The following GPALPP1 variants were observed in gnomAD, a reference collection of about 807,000 sequenced individuals.
The protein encoded by GPALPP1 is GPALPP motifs containing 1.
Under a neutral mutation model 38.9 loss-of-function variants are expected in GPALPP1, and 30 were observed. That is an observed-to-expected ratio of 0.77 (90% confidence interval 0.58 to 1.05). GPALPP1 has a LOEUF of 1.05. Ranked by LOEUF, GPALPP1 falls within the 50% of genes least tolerant of loss-of-function variation. The pLI is 0.00. For missense variants in GPALPP1, 384 were observed against 408.8 expected (o/e 0.94, Z 0.52); for synonymous variants, 120 against 139.2 (o/e 0.86, Z 0.97).
In GPALPP1 at chr13:45,028,944, G is replaced by A. The variant is rs1396058696; in HGVS notation, c.*941G>A. 2 of 152,134 alleles carry A rather than the reference G, an allele frequency of 1.3e-5. No individual in the cohort carries two copies. The highest frequency in any genetic ancestry group is 2.9e-5 in the Non-Finnish European group (2 of 68,108). 9.4% of individuals were successfully genotyped at this position (152,134 alleles called of 1,614,324 possible). A position where few individuals can be genotyped will look rare whatever the true frequency, so the allele number is the denominator to read the frequency against. On this transcript the variant is annotated 3_prime_UTR_variant, in exon 8 of 8. Transcript: ENST00000379151. ...GTGGTGGCACGTGCCTGTAATCTCA[G>A]CTACTTGGGAGCCTGAGGCAGGAGA...
intron 4 of GPALPP1, among the ~76,000 whole-genome samples, chr13:45,013,479 A>C (rs1417261877): frequency 1.3e-5 from 2 of 152,240 alleles, no homozygotes; most frequent in Non-Finnish European, 2.9e-5. Context: ...TAAACCAGTC[A>C]GCTGAGCAAG....
chr13:45,017,182 A>G (rs538749748), intron 6 of GPALPP1, among the ~76,000 whole-genome samples: 1 of 152,348 alleles, frequency 6.6e-6, no homozygotes, highest in African/African-American at 2.4e-5. Context: ...AAGAGTCAAG[A>G]GCTCCTTAAG....
chr13:45,008,922 A>G, intron 4 of GPALPP1, 43 bp downstream of exon 4: 1 of 1,126,660 alleles, frequency 8.9e-7, no homozygotes, highest in Non-Finnish European at 1.4e-6. Flanking sequence ...GAAAGTTTTC[A>G]TTGAAAGAAT....
At chr13:45,033,266 T>C (rs1005009324), downstream of GPALPP1, 5 of 152,184 alleles carry the variant, frequency 3.3e-5, no homozygotes, top group African/African-American at 1.2e-4. Context: ...AAGTTATTTC[T>C]TGAGTTACAC....
intron 1 of GPALPP1, among the ~76,000 whole-genome samples, chr13:44,998,716 A>G (rs1302906518): frequency 6.6e-6 from 1 of 152,230 alleles, no homozygotes; most frequent in Non-Finnish European, 1.5e-5. Flanking sequence ...TGCCTGTAAA[A>G]GATGGGTTGG....
downstream of GPALPP1, chr13:45,030,614 C>G (rs1441568803): frequency 6.6e-6 from 1 of 152,012 alleles, no homozygotes; most frequent in African/African-American, 2.4e-5. Context: ...GAACTCCAGA[C>G]CTCAGGTGAT....
chr13:45,019,065 A>C (rs1268019083), intron 6 of GPALPP1, among the ~76,000 whole-genome samples: 1 of 37,076 alleles, frequency 2.7e-5, no homozygotes, highest in Non-Finnish European at 1.1e-4. Context: ...ATATATACAT[A>C]TAAATATATA....
At chr13:45,008,359 A>G (rs1477662191) in intron 3 of GPALPP1, among the ~76,000 whole-genome samples, 1 of 152,198 alleles carries the variant, frequency 6.6e-6, no homozygotes, top group Non-Finnish European at 1.5e-5. Flanking sequence ...CTACTTTGGT[A>G]GTTCTGACCA....
intron 6 of GPALPP1, among the ~76,000 whole-genome samples, chr13:45,016,360 A>G (rs1199012695): frequency 2.0e-5 from 3 of 152,152 alleles, no homozygotes; most frequent in African/African-American, 7.2e-5. Flanking sequence ...AAGCTGAGGC[A>G]GGAGAATCAC....
chr13:45,004,498 G>A, intron 2 of GPALPP1, 61 bp downstream of exon 2: 1 of 1,162,464 alleles, frequency 8.6e-7, no homozygotes, highest in Non-Finnish European at 1.3e-6. Flanking sequence ...AAGTTGGCTG[G>A]AACAGATAGC....
chr13:45,026,580 G>C (rs7335692), intron 7 of GPALPP1, among the ~76,000 whole-genome samples: 7,524 of 152,110 alleles, frequency 0.049, 277 homozygotes, highest in East Asian at 0.12. Context: ...TTTCACTGAG[G>C]TTTCTTCACT....
chr13:45,012,510 TA>T (rs1218632611), intron 4 of GPALPP1, among the ~76,000 whole-genome samples: 2 of 152,148 alleles, frequency 1.3e-5, no homozygotes, highest in South Asian at 4.1e-4. Flanking sequence ...TTTTTCAAAA[TA>T]AAAAATTGGG....
chr13:45,031,510 T>A (rs1016042066), downstream of GPALPP1: 1 of 152,222 alleles, frequency 6.6e-6, no homozygotes, highest in African/African-American at 2.4e-5. Context: ...CTGTATTATA[T>A]ATTTACTGTT....
At chr13:45,013,304 A>G (rs1370844656) in intron 4 of GPALPP1, among the ~76,000 whole-genome samples, 1 of 152,112 alleles carries the variant, frequency 6.6e-6, no homozygotes. Flanking sequence ...TCATCATACC[A>G]AGAAGCCTGC....
At chr13:45,006,853 C>G (rs892496124) in intron 3 of GPALPP1, among the ~76,000 whole-genome samples, 1 of 151,884 alleles carries the variant, frequency 6.6e-6, no homozygotes, top group Non-Finnish European at 1.5e-5. Context: ...TTATATGGAG[C>G]CTGGCACAGA....
chr13:44,989,582 C>T lies in GPALPP1; in HGVS notation c.-73C>T, dbSNP rs963490960. Reference sequence around the variant, plus strand: ...AAACCTGCCATTCTTCGCTGCTGATCGCGGGATTCTTTTTGGATAGGGTTG... The same window carrying T: ...AAACCTGCCATTCTTCGCTGCTGATTGCGGGATTCTTTTTGGATAGGGTTG... On this transcript the variant is annotated 5_prime_UTR_variant, in exon 1 of 8. Coordinates refer to ENST00000379151, the MANE Select transcript of GPALPP1 (RefSeq NM_018559.5). The T allele has an allele frequency of 6.7e-7, 1 of 1,498,948 alleles. No homozygotes were observed. Among genetic ancestry groups the T allele is most frequent in the Non-Finnish European group, 9.2e-7 (1 of 1,081,650 alleles). 92.9% of individuals were successfully genotyped at this position (1,498,948 alleles called of 1,614,324 possible). A position where few individuals can be genotyped will look rare whatever the true frequency, so the allele number is the denominator to read the frequency against.
At chr13:45,033,705 A>G (rs906431863), downstream of GPALPP1, 18 of 152,350 alleles carry the variant, frequency 1.2e-4, no homozygotes, top group South Asian at 8.3e-4. Context: ...ATTCCGGCCA[A>G]CCAGATCATT....
intron 7 of GPALPP1, among the ~76,000 whole-genome samples, chr13:45,021,417 A>C (rs1294719671): frequency 6.6e-6 from 1 of 152,212 alleles, no homozygotes; most frequent in African/African-American, 2.4e-5. Flanking sequence ...TATCAACAAA[A>C]TCGAAGGAAT....
chr13:44,998,468 G>C (rs921994069), intron 1 of GPALPP1, among the ~76,000 whole-genome samples: 6 of 152,020 alleles, frequency 3.9e-5, no homozygotes, highest in African/African-American at 9.7e-5. Context: ...TTCAGTCCTA[G>C]TCTTCCTTGA....
Sources: allele counts gnomAD v4.1 joint callset (sites outside exome capture counted in the v4.1 genomes callset), GRCh38; gene constraint gnomAD v4.1.1; transcripts MANE v1.5; gene names NCBI Gene and HGNC (gene_info 2026-07-23, HGNC 2026-07-21).